Variants in CNTN5 observed in about 807,000 individuals in gnomAD.
The protein encoded by CNTN5 is contactin 5, also known as contactin-5.
CNTN5 carries 77 observed loss-of-function variants against 129.1 expected under a neutral mutation model. The ratio of observed to expected loss-of-function variants is 0.60; its 90% CI spans 0.50 to 0.72. The LOEUF (loss-of-function observed/expected upper bound fraction) is 0.72. CNTN5 is among the 30% of genes least tolerant of loss of function. CNTN5 has a pLI of 0.00. For missense variants in CNTN5, 1,478 were observed against 1,328.8 expected (o/e 1.11, Z -1.75); for synonymous variants, 509 against 465.6 (o/e 1.09, Z -1.20).
intron 13 of CNTN5, among the ~76,000 whole-genome samples, chr11:100,189,634 T>C (rs972113701): frequency 6.6e-6 from 1 of 152,182 alleles, no homozygotes; most frequent in Admixed American, 6.5e-5. Context: ...TGCTTTCTAA[T>C]ACATTGTTTT....
intron 1 of CNTN5, among the ~76,000 whole-genome samples, chr11:99,140,725 G>A (rs1184380538): frequency 6.6e-6 from 1 of 152,076 alleles, no homozygotes; most frequent in Non-Finnish European, 1.5e-5. Flanking sequence ...TTTATCAAAA[G>A]CATTTTCTAT....
chr11:99,841,616 C>A (rs925457769), intron 4 of CNTN5, among the ~76,000 whole-genome samples: 1 of 150,422 alleles, frequency 6.6e-6, no homozygotes, highest in Non-Finnish European at 1.5e-5. Context: ...GCAGAAGCAG[C>A]AGAAGCAGCA....
At chr11:100,105,251 A>G (rs1190096137) in intron 13 of CNTN5, among the ~76,000 whole-genome samples, 1 of 152,164 alleles carries the variant, frequency 6.6e-6, no homozygotes, top group Non-Finnish European at 1.5e-5. Flanking sequence ...AAGTTCTGTT[A>G]TTCCTATTAC....
At chr11:100,133,286 A>G (rs139476400) in intron 13 of CNTN5, among the ~76,000 whole-genome samples, 6 of 152,256 alleles carry the variant, frequency 3.9e-5, no homozygotes, top group African/African-American at 1.4e-4. Context: ...TGCCACCAAC[A>G]GATATGAAAA....
chr11:99,777,980 C>T (rs949850376), intron 3 of CNTN5, among the ~76,000 whole-genome samples: 6 of 151,756 alleles, frequency 4.0e-5, no homozygotes, highest in African/African-American at 1.5e-4. Context: ...GTTTAACAGC[C>T]ATAATAGGCG....
At chr11:99,764,587 T>C (rs990989603) in intron 3 of CNTN5, among the ~76,000 whole-genome samples, 4 of 152,118 alleles carry the variant, frequency 2.6e-5, no homozygotes, top group African/African-American at 7.2e-5. Flanking sequence ...TGGCTAATTT[T>C]GCATTTTTAG....
intron 2 of CNTN5, among the ~76,000 whole-genome samples, chr11:99,473,543 T>G (rs1945254722): frequency 6.6e-6 from 1 of 150,882 alleles, no homozygotes; most frequent in Non-Finnish European, 1.5e-5. Flanking sequence ...TTGAAATCTT[T>G]ACTGAAGTGA....
intron 6 of CNTN5, among the ~76,000 whole-genome samples, chr11:99,875,873 T>C (rs61911621): frequency 0.18 from 26,815 of 152,032 alleles, 2,456 homozygotes; most frequent in South Asian, 0.27. Flanking sequence ...ATAAGCACTG[T>C]TATATAAGGT....
intron 3 of CNTN5, among the ~76,000 whole-genome samples, chr11:99,817,483 T>G (rs542453510): frequency 5.0e-4 from 76 of 152,276 alleles, no homozygotes; most frequent in South Asian, 8.3e-4. Context: ...TTTTTAAACC[T>G]TACTATGGCC....
intron 1 of CNTN5, among the ~76,000 whole-genome samples, chr11:99,324,161 T>TCAA (rs528092432): frequency 4.6e-4 from 70 of 152,204 alleles, no homozygotes; most frequent in African/African-American, 1.7e-3. Context: ...GTCATAAAGG[T>TCAA]CAATACCCTT....
At chr11:99,432,647 G>A (rs558377846) in intron 2 of CNTN5, among the ~76,000 whole-genome samples, 165 of 151,850 alleles carry the variant, frequency 1.1e-3, no homozygotes, top group Non-Finnish European at 1.9e-3. Context: ...AAGTGAGAGC[G>A]AAAAGCTGCT....
intron 1 of CNTN5, among the ~76,000 whole-genome samples, chr11:99,255,803 C>T (rs758563023): frequency 2.2e-4 from 32 of 148,004 alleles, no homozygotes; most frequent in Admixed American, 6.7e-4. Flanking sequence ...CACACACGCA[C>T]ACACACACAC....
At chr11:99,032,125 C>A (rs1863420116) in intron 1 of CNTN5, among the ~76,000 whole-genome samples, 1 of 151,950 alleles carries the variant, frequency 6.6e-6, no homozygotes, top group Admixed American at 6.6e-5. Flanking sequence ...CATATTATTC[C>A]ATGGTGTATA....
intron 2 of CNTN5, among the ~76,000 whole-genome samples, chr11:99,343,604 C>T (rs573482113): frequency 3.3e-5 from 5 of 152,114 alleles, no homozygotes; most frequent in African/African-American, 9.7e-5. Flanking sequence ...TGTTATACGT[C>T]GATCTCTGTA....
rs181572754 is a variant in CNTN5 at position 99,137,803 on chromosome 11, C to T, written c.-210+116533C>T. ...TCCCCCTAGAAACTTCATAAGTATA[C>T]ATCAATCTGCCAGAAATGGTGATTA... is the stretch of plus-strand genomic sequence containing the variant. On this transcript the variant is annotated intron_variant, in intron 1 of 24. Transcript: ENST00000524871. Among the ~76,000 whole-genome samples, 282 of 133,242 alleles carry T rather than the reference C, an allele frequency of 2.1e-3. 1 individual carries two copies. The highest frequency in any genetic ancestry group is 7.9e-3 in the African/African-American group (273 of 34,608). The allele number at this position is 133,242 out of a possible 152,430, so 87.4% of individuals were successfully genotyped here.
intron 1 of CNTN5, among the ~76,000 whole-genome samples, chr11:99,285,954 C>T (rs1863919689): frequency 6.9e-6 from 1 of 144,828 alleles, no homozygotes; most frequent in Non-Finnish European, 1.5e-5. Flanking sequence ...AGGAGAATCC[C>T]TTGAACCCAG....
At chr11:99,841,250 TAATAA>T (rs1351120511) in intron 4 of CNTN5, among the ~76,000 whole-genome samples, 7 of 152,258 alleles carry the variant, frequency 4.6e-5, no homozygotes, top group East Asian at 3.9e-4. Context: ...TGGGCAGTAA[TAATAA>T]AATATATGTT....
intron 18 of CNTN5, among the ~76,000 whole-genome samples, chr11:100,295,142 G>C (rs1228762109): frequency 6.6e-6 from 1 of 151,510 alleles, no homozygotes; most frequent in Admixed American, 6.6e-5. Flanking sequence ...TGCCTCTCTT[G>C]TCAGTTATTG....
intron 3 of CNTN5, among the ~76,000 whole-genome samples, chr11:99,658,795 G>A (rs997327374): frequency 1.8e-4 from 27 of 149,196 alleles, no homozygotes; most frequent in African/African-American, 6.1e-4. Context: ...GGCTGAGGCA[G>A]GAGAATTGCT....
Sources: allele counts gnomAD v4.1 joint callset (sites outside exome capture counted in the v4.1 genomes callset), GRCh38; gene constraint gnomAD v4.1.1; transcripts MANE v1.5; gene names NCBI Gene and HGNC (gene_info 2026-07-23, HGNC 2026-07-21).